MAP7: variants seen among roughly 807,000 people sequenced by gnomAD.
The protein encoded by MAP7 is microtubule associated protein 7, also known as ensconsin.
Under a neutral mutation model 94.8 loss-of-function variants are expected in MAP7, and 52 were observed. That is an observed-to-expected ratio of 0.55 (90% CI 0.44 to 0.69). MAP7 has a LOEUF of 0.69. Among genes scored for constraint, MAP7 ranks in the 30% least tolerant of loss-of-function variants. MAP7 has a pLI of 0.00. For missense variants in MAP7, 940 were observed against 964.6 expected (o/e 0.97, Z 0.34); for synonymous variants, 350 against 357.0 (o/e 0.98, Z 0.22).
chr6:136,449,250 G>T (rs140644174), intron 1 of MAP7, among the ~76,000 whole-genome samples: 73 of 152,232 alleles, frequency 4.8e-4, no homozygotes, highest in Non-Finnish European at 8.2e-4. Flanking sequence ...AGCAGAGATC[G>T]CACCACTACA....
At chr6:136,517,751 C>T (rs1226537316) in intron 1 of MAP7, among the ~76,000 whole-genome samples, 2 of 139,932 alleles carry the variant, frequency 1.4e-5, no homozygotes, top group Non-Finnish European at 3.0e-5. Flanking sequence ...ATAACTGTGG[C>T]AAACTCTGAC....
intron 16 of MAP7, among the ~76,000 whole-genome samples, chr6:136,352,190 A>AT (rs60677576): frequency 0.77 from 106,101 of 137,888 alleles, 40,943 homozygotes; most frequent in South Asian, 0.83. Context: ...TGCTATTCGT[A>AT]TTTTTTTTTT....
chr6:136,473,056 T>C (rs1245526662), intron 1 of MAP7, among the ~76,000 whole-genome samples: 1 of 152,186 alleles, frequency 6.6e-6, no homozygotes, highest in Admixed American at 6.5e-5. Context: ...CTTCTCTATT[T>C]CCTTCTTTCA....
At chr6:136,466,859 G>C in intron 1 of MAP7, 2 of 1,531,710 alleles carry the variant, frequency 1.3e-6, no homozygotes, top group Non-Finnish European at 1.7e-6. Flanking sequence ...CCCTCAGCCA[G>C]GCAAAGACCA....
rs755035507 is a variant in MAP7 at position 136,361,150 on chromosome 6, A to T, written c.1556T>A (p.Val519Glu). ...RQKREELAQR[V>E]AEERTTRREE... is the part of the protein sequence containing the mutation. ...ACGGCGAGTCGTCCTCTCTTCAGCC[A>T]CACGTTGAGCCAATTCCTCTCTCTT... is the stretch of plus-strand genomic sequence containing the variant. Residue 519 changes from valine to glutamate, a missense_variant, in exon 12 of 18, where the codon GTG becomes GAG. By Grantham distance (121) the Val-to-Glu change is moderately radical. Coordinates refer to ENST00000354570, the MANE Select transcript of MAP7 (RefSeq NM_003980.6). 6.2e-7 allele frequency: 1 copy of T among 1,604,620 alleles called. No homozygotes were observed. Among genetic ancestry groups the T allele is most frequent in the Non-Finnish European group, 8.5e-7 (1 of 1,179,962 alleles).
chr6:136,490,704 G>A (rs920990190), intron 1 of MAP7, among the ~76,000 whole-genome samples: 1 of 152,156 alleles, frequency 6.6e-6, no homozygotes, highest in Non-Finnish European at 1.5e-5. Flanking sequence ...TCATCCTTTT[G>A]GGATAAGTGG....
intron 1 of MAP7, among the ~76,000 whole-genome samples, chr6:136,465,552 A>G (rs1200757626): frequency 6.6e-6 from 1 of 152,212 alleles, no homozygotes; most frequent in African/African-American, 2.4e-5. Flanking sequence ...ATTAAATATC[A>G]GGCAAGGCAT....
chr6:136,457,915 A>T (rs893785649), intron 1 of MAP7, among the ~76,000 whole-genome samples: 2 of 152,174 alleles, frequency 1.3e-5, no homozygotes, highest in South Asian at 4.1e-4. Flanking sequence ...CACCACTTCT[A>T]TTCAACACAG....
intron 1 of MAP7, among the ~76,000 whole-genome samples, chr6:136,531,940 G>A (rs1409536622): frequency 6.6e-6 from 1 of 152,032 alleles, no homozygotes; most frequent in East Asian, 1.9e-4. Context: ...ATAGACTCAG[G>A]TCCAAAATGA....
intron 1 of MAP7, among the ~76,000 whole-genome samples, chr6:136,492,377 C>A (rs1242383541): frequency 1.3e-5 from 2 of 152,178 alleles, no homozygotes; most frequent in African/African-American, 4.8e-5. Flanking sequence ...AGTATATATT[C>A]ATCTTAAACT....
At chr6:136,356,938 T>C (rs1421649785) in intron 15 of MAP7, 144 bp from the exon 16 acceptor site, 4 of 625,162 alleles carry the variant, frequency 6.4e-6, no homozygotes, top group Non-Finnish European at 1.1e-5. Context: ...CTAAACTCTC[T>C]GTGCCTTAGT....
intron 1 of MAP7, among the ~76,000 whole-genome samples, chr6:136,469,330 T>C (rs543672729): frequency 3.4e-4 from 51 of 151,850 alleles, no homozygotes; most frequent in African/African-American, 1.2e-3. Flanking sequence ...CTTCCTTCCT[T>C]CCTCCCTACT....
At chr6:136,361,278 C>G in intron 11 of MAP7, 99 bp from the exon 12 acceptor site, 8 of 1,263,176 alleles carry the variant, frequency 6.3e-6, no homozygotes, top group Non-Finnish European at 8.9e-6. Flanking sequence ...TTCCTTTAGG[C>G]GTCCAGTAGA....
At chr6:136,549,253 G>T (rs185674096) in intron 1 of MAP7, among the ~76,000 whole-genome samples, 1 of 152,272 alleles carries the variant, frequency 6.6e-6, no homozygotes, top group Admixed American at 6.5e-5. Flanking sequence ...GATTGTGACC[G>T]TATGGAAGTG....
intron 7 of MAP7, among the ~76,000 whole-genome samples, 182 bp downstream of exon 7, chr6:136,377,573 A>G (rs1776538873): frequency 6.6e-6 from 1 of 152,212 alleles, no homozygotes; most frequent in Admixed American, 6.5e-5. Context: ...TGGTGTCCAG[A>G]TAAGATGCTA....
chr6:136,347,839 G>A (rs568224128), intron 16 of MAP7, among the ~76,000 whole-genome samples: 2 of 152,132 alleles, frequency 1.3e-5, no homozygotes, highest in South Asian at 4.1e-4. Context: ...GAAGATGCCT[G>A]TCCTAAGTGT....
chr6:136,411,589 A>T, intron 3 of MAP7, 31 bp downstream of exon 3: 1 of 1,546,788 alleles, frequency 6.5e-7, no homozygotes, highest in South Asian at 1.2e-5. Context: ...ATCCATTCAA[A>T]TCAGGGCCAT....
At chr6:136,533,998 G>A (rs1828686258) in intron 1 of MAP7, among the ~76,000 whole-genome samples, 1 of 152,088 alleles carries the variant, frequency 6.6e-6, no homozygotes, top group African/African-American at 2.4e-5. Flanking sequence ...TTTACTGAAA[G>A]CGTAATATCC....
At chr6:136,477,568 G>A (rs183830433) in intron 1 of MAP7, among the ~76,000 whole-genome samples, 1 of 152,104 alleles carries the variant, frequency 6.6e-6, no homozygotes, top group African/African-American at 2.4e-5. Context: ...AGACAAAGAA[G>A]GTCATTATTT....
Sources: gnomAD v4.1 joint callset for allele counts (sites outside exome capture counted in the v4.1 genomes callset) on GRCh38, gnomAD v4.1.1 for gene constraint, MANE v1.5 for transcripts, NCBI Gene and HGNC (gene_info 2026-07-23, HGNC 2026-07-21) for gene names.